The following GUCY1A2 variants were observed in gnomAD, a reference collection of about 807,000 sequenced individuals.
GUCY1A2 encodes the protein guanylate cyclase soluble subunit alpha-2.
GUCY1A2 carries 27 observed loss-of-function variants against 63.5 expected under a neutral mutation model. The ratio of observed to expected loss-of-function variants is 0.43; its 90% CI spans 0.31 to 0.59. GUCY1A2 has a LOEUF of 0.59. GUCY1A2 is among the 20% of genes least tolerant of loss of function. GUCY1A2 has a pLI of 0.11. For missense variants in GUCY1A2, 768 were observed against 913.3 expected, an observed-to-expected ratio of 0.84 and a Z score of 2.05; for synonymous variants, 364 against 343.5, an observed-to-expected ratio of 1.06 and a Z score of -0.66.
intron 4 of GUCY1A2, among the ~76,000 whole-genome samples, chr11:106,834,929 C>A (rs1039614690): frequency 6.6e-6 from 1 of 151,926 alleles, no homozygotes; most frequent in Non-Finnish European, 1.5e-5. Flanking sequence ...TCTCCAAAAT[C>A]CCTGTGGAAA....
At chr11:106,773,446 T>A (rs972477271) in intron 6 of GUCY1A2, among the ~76,000 whole-genome samples, 1 of 152,218 alleles carries the variant, frequency 6.6e-6, no homozygotes, top group African/African-American at 2.4e-5. Flanking sequence ...GATATTTGAA[T>A]TAGCTAGAGT....
At chr11:106,743,825 T>C (rs1332184503) in intron 6 of GUCY1A2, among the ~76,000 whole-genome samples, 1 of 152,192 alleles carries the variant, frequency 6.6e-6, no homozygotes, top group East Asian at 1.9e-4. Context: ...TAGTGTTTTA[T>C]GTATAAAGTG....
intron 1 of GUCY1A2, among the ~76,000 whole-genome samples, chr11:107,005,691 CTGAAT>C (rs1262716312): frequency 1.3e-5 from 2 of 152,068 alleles, no homozygotes; most frequent in Non-Finnish European, 2.9e-5. Context: ...TAAATGCTGT[CTGAAT>C]TAATGAATGA....
intron 6 of GUCY1A2, among the ~76,000 whole-genome samples, chr11:106,712,245 G>A (rs1481450259): frequency 6.6e-6 from 1 of 151,862 alleles, no homozygotes; most frequent in Non-Finnish European, 1.5e-5. Flanking sequence ...CTATTGCTAT[G>A]TCTTCAAATT....
chr11:106,956,972 C>G (rs1860993717), intron 3 of GUCY1A2, among the ~76,000 whole-genome samples: 1 of 152,178 alleles, frequency 6.6e-6, no homozygotes, highest in East Asian at 1.9e-4. Flanking sequence ...GTCCCCGAGC[C>G]TCTAGCTGGA....
intron 4 of GUCY1A2, among the ~76,000 whole-genome samples, chr11:106,899,959 G>A (rs1274610635): frequency 2.0e-5 from 3 of 151,924 alleles, no homozygotes; most frequent in South Asian, 2.1e-4. Flanking sequence ...GGTAGCAGGC[G>A]CCTGCAGTCC....
intron 4 of GUCY1A2, among the ~76,000 whole-genome samples, chr11:106,939,101 C>T (rs988088462): frequency 3.9e-5 from 6 of 152,150 alleles, no homozygotes; most frequent in Middle Eastern, 3.2e-3. Context: ...ATTGCAGTCA[C>T]GCCCCACAAT....
intron 5 of GUCY1A2, among the ~76,000 whole-genome samples, chr11:106,776,918 C>A (rs1439303267): frequency 6.6e-6 from 1 of 152,162 alleles, no homozygotes; most frequent in Non-Finnish European, 1.5e-5. Flanking sequence ...AGAGCCATCC[C>A]TTCATCTCCT....
At chr11:106,887,725 G>A (rs537261813) in intron 4 of GUCY1A2, among the ~76,000 whole-genome samples, 5 of 152,176 alleles carry the variant, frequency 3.3e-5, no homozygotes, top group Admixed American at 6.5e-5. Flanking sequence ...TGTTTACAAC[G>A]GCAGCTGCTA....
In GUCY1A2 at chr11:106,882,909, G is replaced by A. The variant is rs535483533; in HGVS notation, c.1206+56551C>T. On this transcript the variant is annotated intron_variant, in intron 4 of 7. Transcript: ENST00000526355. ...ACTATAAAACCAACCCATGTTAGAA[G>A]TTCCCCAATTCCTCATCCCATCATT... 1.8e-4 allele frequency among the ~76,000 whole-genome samples: 28 copies of A among 152,094 alleles called. No homozygotes were observed. The South Asian group carries it at 5.4e-3, about 29-fold the overall frequency.
At chr11:106,813,858 G>A (rs536744275) in intron 4 of GUCY1A2, among the ~76,000 whole-genome samples, 1 of 152,166 alleles carries the variant, frequency 6.6e-6, no homozygotes, top group African/African-American at 2.4e-5. Flanking sequence ...GTACTGTGCT[G>A]AGTACTTAAT....
At chr11:106,920,990 T>C (rs1442144152) in intron 4 of GUCY1A2, among the ~76,000 whole-genome samples, 1 of 152,060 alleles carries the variant, frequency 6.6e-6, no homozygotes, top group Non-Finnish European at 1.5e-5. Context: ...CTCATTTTGA[T>C]TTTTCTTTTT....
intron 6 of GUCY1A2, among the ~76,000 whole-genome samples, chr11:106,766,186 A>C (rs146576501): frequency 6.6e-6 from 1 of 152,264 alleles, no homozygotes; most frequent in African/African-American, 2.4e-5. Context: ...TTTGCAACTC[A>C]GGTGATTAAA....
rs550599276 is a variant in GUCY1A2 at position 106,833,244 on chromosome 11, T to C, written c.1207-22766A>G. Among the ~76,000 whole-genome samples the C allele has an allele frequency of 8.2e-4, 125 of 152,062 alleles. 10 individuals are homozygous for C. Among genetic ancestry groups the C allele is most frequent in the Non-Finnish European group, 7.4e-5 (5 of 67,998 alleles). ...TGTAAAGAAATAATAGAGAAACTTATCTGTAAAGAAACTTATCTCCAAATA... is the reference window on the plus strand; with the variant it reads ...TGTAAAGAAATAATAGAGAAACTTACCTGTAAAGAAACTTATCTCCAAATA... On this transcript the variant is annotated intron_variant, in intron 4 of 7. Coordinates refer to ENST00000526355, the MANE Select transcript of GUCY1A2 (RefSeq NM_000855.3).
intron 6 of GUCY1A2, among the ~76,000 whole-genome samples, chr11:106,742,134 A>G (rs1863704802): frequency 6.6e-6 from 1 of 152,238 alleles, no homozygotes; most frequent in African/African-American, 2.4e-5. Context: ...AACAAAATCA[A>G]ATAATAAGTG....
Position 107,017,807 on chromosome 11 carries a change from C to A in GUCY1A2, c.249G>T (p.Arg83Ser). 2 of 1,417,088 alleles carry A rather than the reference C, an allele frequency of 1.4e-6. No homozygotes were observed. The highest frequency in any genetic ancestry group is 1.8e-6 in the Non-Finnish European group (2 of 1,084,786). The allele number at this position is 1,417,088 out of a possible 1,614,324, so 87.8% of individuals were successfully genotyped here. ...CGCCCAGCGAGTCCAGGTTGACCCG[C>A]CTCCGGCGCTGCACCCTCCTGGCCC... ...TAGARRVQRR[R>S]RVNLDSLGES... Residue 83 changes from arginine to serine, a missense_variant, in exon 1 of 8, where the codon AGG (arginine) becomes AGT (serine). Around this residue, in one of 3 missense-constraint regions of GUCY1A2, gnomAD observed 496 missense variants for 486.9 expected, o/e 1.02. Transcript: ENST00000526355.
At position 106,686,133 on chromosome 11, in the gene GUCY1A2, A is replaced by G. The variant is rs776561832; in HGVS notation, c.*1416T>C. ...AAATGCTTCCAGCTTATTAACCTCA[A>G]TAGAAACTTAGATTTTATATCTGAA... On this transcript the variant is annotated 3_prime_UTR_variant, in exon 8 of 8. Coordinates refer to ENST00000526355, the MANE Select transcript of GUCY1A2 (RefSeq NM_000855.3). 6 of 215,994 alleles carry G rather than the reference A, an allele frequency of 2.8e-5. No homozygotes were observed. Among genetic ancestry groups the G allele is most frequent in the South Asian group, 3.7e-4 (2 of 5,412 alleles). The allele number at this position is 215,994 out of a possible 1,614,324, so 13.4% of individuals were successfully genotyped here. A position where few individuals can be genotyped will look rare whatever the true frequency, so the allele number is the denominator to read the frequency against.
chr11:106,683,996 G>T lies in GUCY1A2; in HGVS notation c.*3553C>A. 1 of 195,276 alleles carries T rather than the reference G, an allele frequency of 5.1e-6. No homozygotes were observed. Among genetic ancestry groups the T allele is most frequent in the Admixed American group, 6.1e-5 (1 of 16,378 alleles). The allele number at this position is 195,276 out of a possible 1,614,324, so 12.1% of individuals were successfully genotyped here. On this transcript the variant is annotated 3_prime_UTR_variant, in exon 8 of 8. Coordinates refer to ENST00000526355, the MANE Select transcript of GUCY1A2 (RefSeq NM_000855.3). ...TTTTGCTTTATTGCTGGAACTCTTT[G>T]GAGGCATTTGCAAAATTAAAAGTCT...
chr11:106,884,514 C>G (rs1400126541), intron 4 of GUCY1A2, among the ~76,000 whole-genome samples: 1 of 151,976 alleles, frequency 6.6e-6, no homozygotes, highest in African/African-American at 2.4e-5. Flanking sequence ...AAAGGAAGGG[C>G]TGGGAACAAG....
Sources: gnomAD v4.1 joint callset for allele counts (sites outside exome capture counted in the v4.1 genomes callset) on GRCh38, gnomAD v4.1.1 for gene constraint, gnomAD v4.1.1 regional missense constraint, MANE v1.5 for transcripts, NCBI Gene and HGNC (gene_info 2026-07-23, HGNC 2026-07-21) for gene names.